The following CA10 variants were observed in gnomAD, a reference collection of about 807,000 sequenced individuals.
CA10 encodes carbonic anhydrase 10 (inactive).
CA10 carries 14 observed loss-of-function variants against 44.2 expected under a neutral mutation model. The ratio of observed to expected loss-of-function variants is 0.32; its 90% CI spans 0.21 to 0.50. CA10 has a LOEUF of 0.50. Among genes scored for constraint, CA10 ranks in the 20% least tolerant of loss-of-function variants. The pLI is 0.99. For missense variants in CA10, 350 were observed against 409.7 expected (o/e 0.85, Z 1.26); for synonymous variants, 159 against 141.6 (o/e 1.12, Z -0.87).
intron 4 of CA10, among the ~76,000 whole-genome samples, chr17:51,656,548 C>T (rs1042397070): frequency 2.0e-5 from 3 of 152,154 alleles, no homozygotes; most frequent in Non-Finnish European, 4.4e-5. Flanking sequence ...TGAAATTGAT[C>T]TTTTGCTTTA....
chr17:52,079,068 C>T (rs771812888), intron 1 of CA10, among the ~76,000 whole-genome samples: 1 of 152,176 alleles, frequency 6.6e-6, no homozygotes, highest in East Asian at 1.9e-4. Flanking sequence ...ACGCGGATCA[C>T]GAGGTCAGGA....
At chr17:51,984,484 C>G (rs1482342595) in intron 2 of CA10, among the ~76,000 whole-genome samples, 1 of 151,448 alleles carries the variant, frequency 6.6e-6, no homozygotes, top group African/African-American at 2.4e-5. Context: ...CCAAACCCAA[C>G]AGAAAAAAGG....
intron 2 of CA10, among the ~76,000 whole-genome samples, chr17:51,936,122 C>A (rs921216268): frequency 2.6e-5 from 4 of 152,142 alleles, no homozygotes; most frequent in Non-Finnish European, 5.9e-5. Flanking sequence ...TACTGACAGC[C>A]TCTGATGTGC....
intron 7 of CA10, among the ~76,000 whole-genome samples, chr17:51,634,173 G>T (rs778015609): frequency 5.9e-5 from 9 of 152,228 alleles, no homozygotes; most frequent in African/African-American, 9.6e-5. Context: ...TCTAGCAGGA[G>T]AGAAGAATGA....
chr17:51,804,627 T>A (rs990345789), intron 3 of CA10, among the ~76,000 whole-genome samples: 7 of 152,196 alleles, frequency 4.6e-5, no homozygotes, highest in African/African-American at 1.7e-4. Flanking sequence ...ATTTTCACTC[T>A]TGCAGCTTGA....
At chr17:52,078,139 A>C (rs1336900521) in intron 1 of CA10, among the ~76,000 whole-genome samples, 1 of 152,200 alleles carries the variant, frequency 6.6e-6, no homozygotes, top group African/African-American at 2.4e-5. Context: ...CAACTAATTT[A>C]ACTAACTTAG....
chr17:51,900,226 G>A (rs528169852), intron 3 of CA10, among the ~76,000 whole-genome samples: 1 of 152,248 alleles, frequency 6.6e-6, no homozygotes, highest in Admixed American at 6.5e-5. Context: ...AGGTCTGGAA[G>A]TAACAAATTC....
At chr17:51,917,642 G>C (rs1178666165) in intron 3 of CA10, among the ~76,000 whole-genome samples, 1 of 152,206 alleles carries the variant, frequency 6.6e-6, no homozygotes, top group African/African-American at 2.4e-5. Flanking sequence ...GCAGGAACAA[G>C]AGCCAGTAAG....
intron 4 of CA10, among the ~76,000 whole-genome samples, chr17:51,669,424 G>C (rs1914330176): frequency 6.6e-6 from 1 of 152,100 alleles, no homozygotes; most frequent in Non-Finnish European, 1.5e-5. Context: ...GGATGTGGGT[G>C]GGGTCAGATA....
intron 4 of CA10, among the ~76,000 whole-genome samples, chr17:51,656,140 T>C (rs375816986): frequency 6.6e-6 from 1 of 152,220 alleles, no homozygotes. Flanking sequence ...TTCCCACTGA[T>C]ACAGGTGACC....
chr17:51,665,396 T>C (rs1914171709), intron 4 of CA10, among the ~76,000 whole-genome samples: 1 of 152,158 alleles, frequency 6.6e-6, no homozygotes, highest in Admixed American at 6.5e-5. Context: ...ACTGCTCCCT[T>C]TTAGACCTCA....
chr17:51,947,876 C>T (rs1222418883), intron 2 of CA10, among the ~76,000 whole-genome samples: 2 of 152,012 alleles, frequency 1.3e-5, no homozygotes, highest in East Asian at 1.9e-4. Flanking sequence ...TGAGGTTCCC[C>T]TCTTAGGAGA....
chr17:52,079,493 C>A (rs933037370), intron 1 of CA10, among the ~76,000 whole-genome samples: 2 of 151,912 alleles, frequency 1.3e-5, no homozygotes, highest in Non-Finnish European at 2.9e-5. Context: ...TATGCAAAAG[C>A]TTAGTACATA....
intron 1 of CA10, among the ~76,000 whole-genome samples, chr17:52,087,691 AG>A (rs1988154773): frequency 6.6e-6 from 1 of 152,260 alleles, no homozygotes; most frequent in Admixed American, 6.5e-5. Flanking sequence ...TATCTTATAC[AG>A]AAATTATTTA....
At chr17:51,868,890 T>G (rs1050374133) in intron 3 of CA10, among the ~76,000 whole-genome samples, 7 of 116,914 alleles carry the variant, frequency 6.0e-5, no homozygotes, top group African/African-American at 2.9e-4. Flanking sequence ...AAAGTTTTTT[T>G]GTTTTTTTTT....
At chr17:52,134,136 G>A (rs888697072) in intron 1 of CA10, among the ~76,000 whole-genome samples, 3 of 152,040 alleles carry the variant, frequency 2.0e-5, no homozygotes, top group Non-Finnish European at 2.9e-5. Flanking sequence ...TCCCTACTTC[G>A]AACTAATGTG....
chr17:51,727,815 C>T (rs78893391), intron 4 of CA10, among the ~76,000 whole-genome samples: 3,332 of 151,986 alleles, frequency 0.022, 120 homozygotes, highest in African/African-American at 0.076. Context: ...AAAAGACAGA[C>T]GATGCCCCTG....
At chr17:51,685,170 G>A (rs1368301787) in intron 4 of CA10, among the ~76,000 whole-genome samples, 4 of 152,182 alleles carry the variant, frequency 2.6e-5, no homozygotes, top group Admixed American at 2.6e-4. Context: ...AATACACCCA[G>A]CTTGATTAGA....
intron 2 of CA10, among the ~76,000 whole-genome samples, chr17:51,943,970 A>T: frequency 6.6e-6 from 1 of 152,066 alleles, no homozygotes; most frequent in East Asian, 1.9e-4. Flanking sequence ...ACAGAACAGT[A>T]TCTCCTGGTG....
Sources: gnomAD v4.1 joint callset for allele counts (sites outside exome capture counted in the v4.1 genomes callset) on GRCh38, gnomAD v4.1.1 for gene constraint, MANE v1.5 for transcripts, NCBI Gene and HGNC (gene_info 2026-07-23, HGNC 2026-07-21) for gene names.